PIK3C2G: variants seen among roughly 807,000 people sequenced by gnomAD.
PIK3C2G encodes the protein phosphatidylinositol 3-kinase C2 domain-containing subunit gamma.
A neutral mutation model predicts 181.1 loss-of-function variants in PIK3C2G; 168 were observed. That is an observed-to-expected ratio of 0.93 (90% CI 0.82 to 1.05). PIK3C2G has a LOEUF of 1.05. Ranked by LOEUF, PIK3C2G falls within the 50% of genes least tolerant of loss-of-function variation. The pLI is 0.00. For synonymous variants in PIK3C2G, 573 were observed against 592.2 expected (o/e 0.97, Z 0.47); for missense variants, 1,869 against 1,732.8 (o/e 1.08, Z -1.40).
the PIK3C2G span, chr12:18,684,188 TA>T: frequency 6.8e-6 from 11 of 1,612,338 alleles, no homozygotes; most frequent in South Asian, 1.2e-4. Context: ...TTCCTGCTAT[TA>T]AACCTTGACC....
At chr12:18,671,779 C>G in the PIK3C2G span, among the ~76,000 whole-genome samples, 760 of 152,198 alleles carry the variant, frequency 5.0e-3, 3 homozygotes, top group African/African-American at 0.017. Flanking sequence ...GCTGCTATAA[C>G]AAAAATATCA....
chr12:18,600,342 T>A (rs1195410097), intron 30 of PIK3C2G, among the ~76,000 whole-genome samples: 2 of 151,470 alleles, frequency 1.3e-5, no homozygotes, highest in Admixed American at 6.6e-5. Context: ...ACAGAAAAAA[T>A]TTGCAAAATT....
intron 1 of PIK3C2G, among the ~76,000 whole-genome samples, chr12:18,274,957 A>G (rs1309045468): frequency 6.6e-6 from 1 of 152,128 alleles, no homozygotes; most frequent in African/African-American, 2.4e-5. Flanking sequence ...TATATATTTA[A>G]TTCTCACCAA....
rs78212734 is a variant in PIK3C2G at position 18,410,568 on chromosome 12, C to T, written c.2316-10373C>T. ...TTAGGATCCATTGGCTTTGAGGTGT[C>T]ATGAAATAGTTGCATTTACAGATTT... On this transcript the variant is annotated intron_variant, in intron 16 of 32. Transcript: ENST00000538779. Among the ~76,000 whole-genome samples the T allele has an allele frequency of 9.3e-3, 1,403 of 150,864 alleles. 14 individuals carry two copies. Among genetic ancestry groups the T allele is most frequent in the African/African-American group, 0.027 (1,105 of 41,100 alleles).
Position 18,391,921 on chromosome 12 carries a change from A to G in PIK3C2G, c.2126+669A>G, listed in dbSNP as rs575198221. On this transcript the variant is annotated intron_variant, in intron 15 of 32. Transcript: ENST00000538779. ...AGAGAGAGAGATTAAGATATGTAAC[A>G]TGATAACAGACTTTACTCCAAGAGT... 1.2e-4 allele frequency among the ~76,000 whole-genome samples: 19 copies of G among 152,146 alleles called. 1 individual carries two copies. In the East Asian group the frequency reaches 3.7e-3, roughly 29 times the overall value.
intron 5 of PIK3C2G, among the ~76,000 whole-genome samples, 161 bp downstream of exon 5, chr12:18,294,176 T>C (rs1405327961): frequency 5.9e-5 from 9 of 152,146 alleles, no homozygotes; most frequent in Admixed American, 5.9e-4. Context: ...TTCTAAATCA[T>C]ATTAACAATC....
At chr12:18,321,940 A>G (rs532085509) in intron 7 of PIK3C2G, among the ~76,000 whole-genome samples, 2 of 152,242 alleles carry the variant, frequency 1.3e-5, no homozygotes, top group South Asian at 2.1e-4. Context: ...GGCCCATCAG[A>G]GTTGGGGAGG....
intron 1 of PIK3C2G, among the ~76,000 whole-genome samples, chr12:18,275,732 G>C (rs1456657815): frequency 6.6e-6 from 1 of 151,904 alleles, no homozygotes; most frequent in Non-Finnish European, 1.5e-5. Flanking sequence ...TTTTGGCCTT[G>C]GCTTTGCCAA....
chr12:18,527,456 GT>G (rs1028276684), intron 24 of PIK3C2G, among the ~76,000 whole-genome samples: 1 of 152,116 alleles, frequency 6.6e-6, no homozygotes, highest in Non-Finnish European at 1.5e-5. Flanking sequence ...TTATTTAAAT[GT>G]TTTTACAGCT....
intron 18 of PIK3C2G, among the ~76,000 whole-genome samples, chr12:18,428,893 C>T (rs1043642200): frequency 1.3e-5 from 2 of 152,086 alleles, no homozygotes; most frequent in African/African-American, 2.4e-5. Flanking sequence ...CATTATGTAA[C>T]AATTAATTAC....
chr12:18,596,016 G>A (rs1947341872), intron 30 of PIK3C2G, among the ~76,000 whole-genome samples: 1 of 151,960 alleles, frequency 6.6e-6, no homozygotes, highest in Non-Finnish European at 1.5e-5. Flanking sequence ...TGTCCATATG[G>A]CTCACCATTG....
chr12:18,293,528 C>A (rs1332142784), intron 4 of PIK3C2G, among the ~76,000 whole-genome samples: 1 of 152,078 alleles, frequency 6.6e-6, no homozygotes, highest in African/African-American at 2.4e-5. Flanking sequence ...AAGAATCAAA[C>A]ACCCCCTGGA....
intron 13 of PIK3C2G, among the ~76,000 whole-genome samples, chr12:18,373,964 A>G (rs1942257854): frequency 6.6e-6 from 1 of 152,188 alleles, no homozygotes; most frequent in South Asian, 2.1e-4. Flanking sequence ...TGTAGCCACA[A>G]TGTAGCGAGA....
intron 25 of PIK3C2G, among the ~76,000 whole-genome samples, chr12:18,539,891 A>C (rs1171878841): frequency 6.6e-6 from 1 of 151,944 alleles, no homozygotes; most frequent in Non-Finnish European, 1.5e-5. Context: ...ATTACTTTTC[A>C]GTAATAGCCA....
At chr12:18,371,344 C>T in intron 13 of PIK3C2G, 33 bp downstream of exon 13, 1 of 1,544,970 alleles carries the variant, frequency 6.5e-7, no homozygotes, top group Non-Finnish European at 8.8e-7. Flanking sequence ...ATAAGCCTAT[C>T]ATTTCAATAA....
At chr12:18,559,835 G>A (rs1433910287) in intron 26 of PIK3C2G, among the ~76,000 whole-genome samples, 1 of 102,966 alleles carries the variant, frequency 9.7e-6, no homozygotes, top group African/African-American at 3.6e-5. Context: ...GAGAGAGAGA[G>A]AGAGAGAGAG....
intron 10 of PIK3C2G, among the ~76,000 whole-genome samples, chr12:18,344,098 T>C (rs1210342008): frequency 2.0e-5 from 3 of 152,152 alleles, no homozygotes; most frequent in Non-Finnish European, 4.4e-5. Context: ...TAGGATTTAA[T>C]GTGCAGGATC....
At chr12:18,475,247 T>TG (rs2135994130) in intron 18 of PIK3C2G, among the ~76,000 whole-genome samples, 1 of 152,132 alleles carries the variant, frequency 6.6e-6, no homozygotes, top group Admixed American at 6.6e-5. Flanking sequence ...ACTTTTTTTT[T>TG]GCACCAACAT....
intron 13 of PIK3C2G, among the ~76,000 whole-genome samples, chr12:18,380,629 G>A (rs1942775411): frequency 6.6e-6 from 1 of 152,128 alleles, no homozygotes; most frequent in South Asian, 2.1e-4. Context: ...AGGGAGGGAT[G>A]GAACAAAGAA....
Sources: allele counts gnomAD v4.1 joint callset (sites outside exome capture counted in the v4.1 genomes callset), GRCh38; gene constraint gnomAD v4.1.1; transcripts MANE v1.5; gene names NCBI Gene and HGNC (gene_info 2026-07-23, HGNC 2026-07-21).